PRKD1: variants seen among roughly 807,000 people sequenced by gnomAD.
The protein encoded by PRKD1 is serine/threonine-protein kinase D1.
PRKD1 carries 63 observed loss-of-function variants against 95.9 expected under a neutral mutation model. That is an observed-to-expected ratio of 0.66 (90% confidence interval 0.54 to 0.81). The LOEUF (loss-of-function observed/expected upper bound fraction) is 0.81. PRKD1 is among the 30% of genes least tolerant of loss of function. The probability of loss-of-function intolerance (pLI) is 0.00; values close to 1 mark genes in which losing one functional copy is unlikely to be tolerated. For synonymous variants in PRKD1, 425 were observed against 423.1 expected (o/e 1.00, Z -0.05); for missense variants, 1,048 against 1,165.3 (o/e 0.90, Z 1.47).
intron 1 of PRKD1, among the ~76,000 whole-genome samples, chr14:29,802,503 C>T (rs934518108): frequency 3.3e-5 from 5 of 152,142 alleles, no homozygotes; most frequent in Non-Finnish European, 7.3e-5. Flanking sequence ...ACCTGGATTA[C>T]TTTACAAGTT....
At chr14:29,750,614 G>GCA (rs146674203) in intron 1 of PRKD1, among the ~76,000 whole-genome samples, 1,829 of 112,688 alleles carry the variant, frequency 0.016, 31 homozygotes, top group African/African-American at 0.057. Context: ...GCATGAACGC[G>GCA]CGCACACACA....
Position 29,714,875 on chromosome 14 carries a change from G to A in PRKD1, c.403+10661C>T, listed in dbSNP as rs1053571277. Among the ~76,000 whole-genome samples, 16 of 152,082 alleles carry A rather than the reference G, an allele frequency of 1.1e-4. No homozygotes were observed. In the East Asian group the frequency reaches 2.7e-3, roughly 26 times the overall value. ...ACACAAGAACAGAAAATCAAACACC[G>A]CATGTTCTCACTCATAAGTGGGAGT... On this transcript the variant is annotated intron_variant, in intron 2 of 17. Transcript: ENST00000331968.
chr14:29,850,479 CATAT>C (rs1555350847), intron 1 of PRKD1, among the ~76,000 whole-genome samples: 1 of 145,406 alleles, frequency 6.9e-6, no homozygotes. Flanking sequence ...CACACACACA[CATAT>C]ACACACACAC....
chr14:29,822,894 T>C (rs1359941045), intron 1 of PRKD1, among the ~76,000 whole-genome samples: 1 of 152,186 alleles, frequency 6.6e-6, no homozygotes, highest in East Asian at 1.9e-4. Flanking sequence ...GAGCTAGATA[T>C]TTCTGTGAAG....
rs901265197 is a variant in PRKD1 at position 29,893,408 on chromosome 14, T to A, written c.264+33841A>T. Reference sequence around the variant, plus strand: ...ATTTATAATAGAAAGAGGTTTTTTTTTGGTTTTCAAATCTTTTTAGTGGCA... The same window carrying A: ...ATTTATAATAGAAAGAGGTTTTTTTATGGTTTTCAAATCTTTTTAGTGGCA... On this transcript the variant is annotated intron_variant, in intron 1 of 17. Transcript: ENST00000331968. Among the ~76,000 whole-genome samples, 28 of 152,074 alleles carry A rather than the reference T, an allele frequency of 1.8e-4. No individual in the cohort carries two copies. In the South Asian group the frequency reaches 5.8e-3, roughly 32 times the overall value.
intron 1 of PRKD1, among the ~76,000 whole-genome samples, chr14:29,729,853 A>G (rs544402944): frequency 6.6e-6 from 1 of 152,060 alleles, no homozygotes; most frequent in Non-Finnish European, 1.5e-5. Flanking sequence ...CTTTCAATTC[A>G]AAATATTTTC....
intron 2 of PRKD1, among the ~76,000 whole-genome samples, chr14:29,717,948 G>T (rs1043373378): frequency 2.6e-5 from 4 of 152,202 alleles, no homozygotes; most frequent in South Asian, 2.1e-4. Flanking sequence ...CCTCCCTGGA[G>T]AATCCATTTT....
At chr14:29,682,965 G>A (rs570185419) in intron 2 of PRKD1, among the ~76,000 whole-genome samples, 18 of 152,276 alleles carry the variant, frequency 1.2e-4, no homozygotes, top group East Asian at 1.9e-4. Flanking sequence ...GAGCAAAGCC[G>A]GAAGGGGAGC....
At chr14:29,613,753 A>G (rs1878645233) in intron 13 of PRKD1, among the ~76,000 whole-genome samples, 1 of 152,206 alleles carries the variant, frequency 6.6e-6, no homozygotes, top group African/African-American at 2.4e-5. Flanking sequence ...TAACATATCA[A>G]AGGTTCTCCA....
At chr14:29,677,755 G>C (rs8019393) in intron 2 of PRKD1, among the ~76,000 whole-genome samples, 3 of 151,928 alleles carry the variant, frequency 2.0e-5, no homozygotes, top group African/African-American at 7.2e-5. Context: ...AGTAGAGATG[G>C]GATTTCACCA....
intron 1 of PRKD1, among the ~76,000 whole-genome samples, chr14:29,898,318 T>A (rs1176082039): frequency 2.0e-5 from 3 of 152,110 alleles, no homozygotes; most frequent in Non-Finnish European, 4.4e-5. Flanking sequence ...AATACTTTTT[T>A]TAAAGAATTT....
chr14:29,691,542 C>A (rs999788499), intron 2 of PRKD1, among the ~76,000 whole-genome samples: 4 of 152,144 alleles, frequency 2.6e-5, no homozygotes, highest in Non-Finnish European at 5.9e-5. Flanking sequence ...TATTGCCTTG[C>A]AGAGGATGGC....
chr14:29,858,384 G>A (rs1372736969), intron 1 of PRKD1, among the ~76,000 whole-genome samples: 1 of 152,188 alleles, frequency 6.6e-6, no homozygotes, highest in Non-Finnish European at 1.5e-5. Context: ...TGTTGAATAA[G>A]TGAATAGCTG....
chr14:29,660,215 G>A (rs1371162057), intron 4 of PRKD1, among the ~76,000 whole-genome samples: 1 of 152,192 alleles, frequency 6.6e-6, no homozygotes, highest in African/African-American at 2.4e-5. Context: ...CAGCTGGTCT[G>A]TGTATGCACA....
intron 1 of PRKD1, among the ~76,000 whole-genome samples, chr14:29,834,282 C>T (rs1001626219): frequency 1.3e-5 from 2 of 152,024 alleles, no homozygotes; most frequent in Admixed American, 1.3e-4. Context: ...TATAGCTGTA[C>T]CATTGATCTA....
At chr14:29,837,489 C>T (rs1431961268) in intron 1 of PRKD1, among the ~76,000 whole-genome samples, 1 of 152,152 alleles carries the variant, frequency 6.6e-6, no homozygotes, top group Non-Finnish European at 1.5e-5. Flanking sequence ...AAGAGGTAAT[C>T]ACATCCATTT....
At chr14:29,682,881 C>A (rs1380287723) in intron 2 of PRKD1, among the ~76,000 whole-genome samples, 4 of 152,030 alleles carry the variant, frequency 2.6e-5, no homozygotes, top group Admixed American at 6.6e-5. Flanking sequence ...ATGCAAAGGG[C>A]AGTTGAAGGA....
Position 29,663,680 on chromosome 14 carries a change from G to C in PRKD1, c.696+19C>G. ...GATTTCTCATGTAAATGGGGAAGTGGGTAAACAGGAAGCCATACCAGAAGG... is the reference window on the plus strand; with the variant it reads ...GATTTCTCATGTAAATGGGGAAGTGCGTAAACAGGAAGCCATACCAGAAGG... On this transcript the variant is annotated intron_variant, in intron 4 of 17. Coordinates refer to ENST00000331968, the MANE Select transcript of PRKD1 (RefSeq NM_002742.3). The C allele has an allele frequency of 6.2e-7, 1 of 1,610,676 alleles. No homozygotes were observed. The highest frequency in any genetic ancestry group is 1.7e-5 in the Admixed American group (1 of 59,926).
chr14:29,633,796 G>C (rs1880185407), intron 8 of PRKD1, among the ~76,000 whole-genome samples: 1 of 152,138 alleles, frequency 6.6e-6, no homozygotes, highest in Non-Finnish European at 1.5e-5. Context: ...ATTATAGATA[G>C]ATCAATTAGG....
Sources: allele counts gnomAD v4.1 joint callset (sites outside exome capture counted in the v4.1 genomes callset), GRCh38; gene constraint gnomAD v4.1.1; transcripts MANE v1.5; gene names NCBI Gene and HGNC (gene_info 2026-07-23, HGNC 2026-07-21).